GPRASP3: variants seen among roughly 807,000 people sequenced by gnomAD.
GPRASP3 encodes the protein G protein-coupled receptor associated sorting protein 3.
the GPRASP3 span, among the ~76,000 whole-genome samples, chrX:102,726,606 G>A: frequency 9.0e-6 from 1 of 111,704 alleles, no homozygotes; most frequent in Non-Finnish European, 1.9e-5. Flanking sequence ...TAAATCTCAA[G>A]TATCTACGAC....
chrX:102,733,878 G>A, the GPRASP3 span, among the ~76,000 whole-genome samples: 266 of 110,383 alleles, frequency 2.4e-3, 1 homozygote, highest in African/African-American at 8.3e-3. Flanking sequence ...GGCTGAGTCC[G>A]AAAAGAGAGT....
At chrX:102,746,930 C>T in the GPRASP3 span, among the ~76,000 whole-genome samples, 1 of 112,311 alleles carries the variant, frequency 8.9e-6, no homozygotes, top group African/African-American at 3.2e-5. Context: ...ATTTTTCCAC[C>T]TTTCTTGTTC....
the GPRASP3 span, among the ~76,000 whole-genome samples, chrX:102,742,220 C>G: frequency 9.0e-6 from 1 of 111,592 alleles, no homozygotes; most frequent in Non-Finnish European, 1.9e-5. Flanking sequence ...AAACTTTAAG[C>G]TGTCCTTGTT....
At chrX:102,749,193 T>G in the GPRASP3 span, 4 of 1,211,835 alleles carry the variant, frequency 3.3e-6, no homozygotes, top group Middle Eastern at 6.9e-4. Flanking sequence ...AGAACAAGGT[T>G]GTTGCTGAGA....
the GPRASP3 span, chrX:102,749,319 T>A: frequency 1.3e-5 from 16 of 1,210,404 alleles, no homozygotes; most frequent in Non-Finnish European, 1.1e-6. Context: ...CTGGTACTGA[T>A]GCCTGGTTCT....
At chrX:102,752,898 C>A in the GPRASP3 span, 1 of 122,305 alleles carries the variant, frequency 8.2e-6, no homozygotes, top group East Asian at 2.8e-4. Flanking sequence ...GCCTCCTGAG[C>A]AGCTGGGACT....
chrX:102,750,164 A>T, the GPRASP3 span: 2 of 1,206,354 alleles, frequency 1.7e-6, no homozygotes, highest in Non-Finnish European at 2.2e-6. Flanking sequence ...ATTACTCTGA[A>T]TCCTCCTTCT....
the GPRASP3 span, among the ~76,000 whole-genome samples, chrX:102,731,762 G>A: frequency 8.9e-6 from 1 of 111,837 alleles, no homozygotes. Flanking sequence ...TTCCTTTCCC[G>A]TGATTCCTCC....
the GPRASP3 span, among the ~76,000 whole-genome samples, chrX:102,746,460 C>T: frequency 1.8e-5 from 2 of 112,760 alleles, no homozygotes; most frequent in Non-Finnish European, 3.8e-5. Flanking sequence ...GCGCCCCGCC[C>T]TCGACGGTGT....
the GPRASP3 span, chrX:102,749,055 A>G: frequency 8.3e-7 from 1 of 1,211,960 alleles, no homozygotes; most frequent in Non-Finnish European, 1.1e-6. Flanking sequence ...AGGCTGCTAT[A>G]CAAGCTAAAG....
chrX:102,736,414 T>G, the GPRASP3 span, among the ~76,000 whole-genome samples: 1 of 111,945 alleles, frequency 8.9e-6, no homozygotes, highest in African/African-American at 3.2e-5. Context: ...AGTTGTAAGA[T>G]TTTTCATTTG....
chrX:102,744,600 G>A, the GPRASP3 span, among the ~76,000 whole-genome samples: 1 of 111,941 alleles, frequency 8.9e-6, no homozygotes, highest in Non-Finnish European at 1.9e-5. Context: ...CCAGGAAAAT[G>A]ATCATATTTT....
chrX:102,724,716 C>T, the GPRASP3 span, among the ~76,000 whole-genome samples: 1 of 92,763 alleles, frequency 1.1e-5, no homozygotes, highest in African/African-American at 4.4e-5. Context: ...AGCAGGGTGA[C>T]TGGTGTGTGT....
At chrX:102,721,792 G>GCATAA in the GPRASP3 span, among the ~76,000 whole-genome samples, 1 of 111,099 alleles carries the variant, frequency 9.0e-6, no homozygotes, top group Non-Finnish European at 1.9e-5. Flanking sequence ...GTTTCCCTCT[G>GCATAA]CATACCCTTT....
the GPRASP3 span, among the ~76,000 whole-genome samples, chrX:102,738,808 T>G: frequency 1.8e-5 from 2 of 111,886 alleles, no homozygotes; most frequent in Non-Finnish European, 3.8e-5. Context: ...AAAGTTTATT[T>G]TGCCAAGGTT....
At chrX:102,742,601 C>A in the GPRASP3 span, among the ~76,000 whole-genome samples, 1 of 111,991 alleles carries the variant, frequency 8.9e-6, no homozygotes, top group Non-Finnish European at 1.9e-5. Context: ...AGTTCTCAAC[C>A]AAATTTTGGG....
chrX:102,741,372 A>G, the GPRASP3 span, among the ~76,000 whole-genome samples: 1 of 111,881 alleles, frequency 8.9e-6, no homozygotes, highest in East Asian at 2.8e-4. Context: ...CTCCTTAGGA[A>G]GTGAGCATGC....
the GPRASP3 span, among the ~76,000 whole-genome samples, chrX:102,743,522 G>T: frequency 9.0e-6 from 1 of 110,810 alleles, no homozygotes; most frequent in Non-Finnish European, 1.9e-5. Context: ...TTATGTAACC[G>T]CCCGATGGGT....
At chrX:102,749,378 A>C in the GPRASP3 span, 2 of 1,210,302 alleles carry the variant, frequency 1.7e-6, no homozygotes, top group African/African-American at 1.7e-5. Flanking sequence ...AATGGAGAAG[A>C]GGCTGGTAAT....
Sources: allele counts gnomAD v4.1 joint callset (sites outside exome capture counted in the v4.1 genomes callset), GRCh38; gene constraint gnomAD v4.1.1; transcripts MANE v1.5; gene names NCBI Gene and HGNC (gene_info 2026-07-23, HGNC 2026-07-21).